NBN: variants seen among roughly 807,000 people sequenced by gnomAD.
The protein encoded by NBN is nibrin, also known as Nijmegen breakage syndrome 1 (nibrin).
A neutral mutation model predicts 90.8 loss-of-function variants in NBN; 88 were observed. That is an observed-to-expected ratio of 0.97 (90% CI 0.82 to 1.16). The LOEUF is 1.16. Among genes scored for constraint, NBN ranks in the 50% most tolerant of loss-of-function variants. NBN has a pLI of 0.00. For missense variants in NBN, 894 were observed against 869.6 expected (o/e 1.03, Z -0.35); for synonymous variants, 328 against 295.1 (o/e 1.11, Z -1.14).
At chr8:89,982,387 C>T in intron 2 of NBN, 1 of 357,744 alleles carries the variant, frequency 2.8e-6, no homozygotes. Context: ...CACATTACTG[C>T]TAATGGCAAA....
intron 13 of NBN, among the ~76,000 whole-genome samples, chr8:89,945,398 T>G (rs1293607360): frequency 6.6e-6 from 1 of 152,148 alleles, no homozygotes; most frequent in Admixed American, 6.5e-5. Context: ...AAAAAACTAA[T>G]TTAACTGTGA....
chr8:89,949,158 G>C (rs538327235), intron 11 of NBN, among the ~76,000 whole-genome samples: 2 of 152,156 alleles, frequency 1.3e-5, no homozygotes, highest in Admixed American at 6.5e-5. Context: ...GCTAACAAAA[G>C]GATCAGTCAG....
intron 5 of NBN, among the ~76,000 whole-genome samples, chr8:89,977,811 T>A (rs1247539095): frequency 1.3e-5 from 2 of 152,214 alleles, no homozygotes; most frequent in African/African-American, 4.8e-5. Context: ...TCAGAAAAAC[T>A]AAGCTCCATT....
Position 89,953,373 on chromosome 8 carries a change from T to C in NBN, c.1716A>G (p.Pro572=), listed in dbSNP as rs1586053267. The C allele has an allele frequency of 6.2e-7, 1 of 1,613,726 alleles. No individual in the cohort carries two copies. Among genetic ancestry groups the C allele is most frequent in the Non-Finnish European group, 8.5e-7 (1 of 1,179,788 alleles). ...VLEQLFKDTK[P]ELEIDVKVQK... is the part of the protein sequence containing the mutation. Reference sequence around the variant, plus strand: ...GAACTTTCACATCAATTTCTAACTCTGGTTTTGTGTCCTTGAATAACTGTT... The same window carrying C: ...GAACTTTCACATCAATTTCTAACTCCGGTTTTGTGTCCTTGAATAACTGTT... The change falls in exon 11 of 16, where the codon CCA becomes CCG. Residue 572 remains proline (P), a synonymous_variant. Coordinates refer to ENST00000265433, the MANE Select transcript of NBN (RefSeq NM_002485.5).
intron 5 of NBN, among the ~76,000 whole-genome samples, chr8:89,976,797 A>G (rs1811780866): frequency 6.6e-6 from 1 of 152,220 alleles, no homozygotes; most frequent in Non-Finnish European, 1.5e-5. Flanking sequence ...AGAATCTTCT[A>G]TTTTAAAATC....
At position 89,982,773 on chromosome 8, in the gene NBN, C is replaced by T. The variant is rs774989816; in HGVS notation, c.120G>A (p.Ser40=). Residue 40 remains serine (S), a synonymous_variant, in exon 2 of 16, where the codon TCG becomes TCA. Coordinates refer to ENST00000265433, the MANE Select transcript of NBN (RefSeq NM_002485.5). ...TTAACACAGCATGATTTCGGCTGAT[C>T]GACTGATCATTTTCAATCAGAATGG... ...NCAILIENDQ[S]ISRNHAVLTA... is the part of the protein sequence containing the mutation. 6.2e-7 allele frequency: 1 copy of T among 1,613,862 alleles called. No homozygotes were observed. The highest frequency in any genetic ancestry group is 1.1e-5 in the South Asian group (1 of 91,076).
Position 89,935,528 on chromosome 8 carries a change from T to C in NBN, c.*54A>G. 1 of 1,605,510 alleles carries C rather than the reference T, an allele frequency of 6.2e-7. No homozygotes were observed. Among genetic ancestry groups the C allele is most frequent in the African/African-American group, 1.3e-5 (1 of 74,864 alleles). Reference sequence around the variant, plus strand: ...ATATATTCATATAACCTTGTTGGCCTGAAGTAGATGCTTACTAGGAAGTTT... The same window carrying C: ...ATATATTCATATAACCTTGTTGGCCCGAAGTAGATGCTTACTAGGAAGTTT... On this transcript the variant is annotated 3_prime_UTR_variant, in exon 16 of 16. Transcript: ENST00000265433.
At chr8:89,965,355 AC>A in intron 7 of NBN, among the ~76,000 whole-genome samples, 1 of 152,196 alleles carries the variant, frequency 6.6e-6, no homozygotes, top group East Asian at 1.9e-4. Context: ...CTTATGGTGA[AC>A]CTATTTTTTG....
chr8:89,947,064 AAGTC>A (rs1723166013), intron 12 of NBN, among the ~76,000 whole-genome samples: 1 of 152,198 alleles, frequency 6.6e-6, no homozygotes, highest in African/African-American at 2.4e-5. Flanking sequence ...AAAAAGGGGA[AAGTC>A]AGAAAAAAAG....
intron 7 of NBN, among the ~76,000 whole-genome samples, chr8:89,965,136 T>C (rs1015497910): frequency 2.0e-5 from 3 of 150,516 alleles, no homozygotes; most frequent in Non-Finnish European, 4.4e-5. Context: ...TTAAAAAAAA[T>C]CACCACAGGC....
At chr8:89,943,127 A>G in intron 14 of NBN, 126 bp downstream of exon 14, 1 of 904,094 alleles carries the variant, frequency 1.1e-6, no homozygotes, top group Non-Finnish European at 1.8e-6. Flanking sequence ...TAACTCAGGA[A>G]TGCTCCTGAA....
chr8:89,971,360 A>G (rs935102041), intron 5 of NBN, 70 bp from the exon 6 acceptor site: 4 of 1,483,528 alleles, frequency 2.7e-6, no homozygotes, highest in East Asian at 5.1e-5. Context: ...AAACGGAGTG[A>G]CTATCTGACA....
At chr8:89,984,399 C>G in intron 1 of NBN, 126 bp downstream of exon 1, 1 of 897,844 alleles carries the variant, frequency 1.1e-6, no homozygotes, top group Non-Finnish European at 1.8e-6. Context: ...GTACTCGCCG[C>G]TTCTGCGACC....
intron 14 of NBN, among the ~76,000 whole-genome samples, chr8:89,942,760 A>C (rs950784066): frequency 6.6e-6 from 1 of 152,116 alleles, no homozygotes; most frequent in Non-Finnish European, 1.5e-5. Context: ...TACACAGGAA[A>C]GACAAATGGA....
chr8:89,975,707 A>C (rs1286871620), intron 5 of NBN, among the ~76,000 whole-genome samples: 9 of 152,220 alleles, frequency 5.9e-5, no homozygotes, highest in East Asian at 1.9e-4. Context: ...GGTCAAAAAC[A>C]ACCTTAGGTT....
At chr8:89,971,361 C>A in intron 5 of NBN, 71 bp from the exon 6 acceptor site, 1 of 1,494,820 alleles carries the variant, frequency 6.7e-7, no homozygotes, top group Non-Finnish European at 9.0e-7. Flanking sequence ...AACGGAGTGA[C>A]TATCTGACAC....
At chr8:89,977,332 G>C (rs1811811453) in intron 5 of NBN, among the ~76,000 whole-genome samples, 1 of 151,588 alleles carries the variant, frequency 6.6e-6, no homozygotes, top group Non-Finnish European at 1.5e-5. Context: ...TTGGTTTTCT[G>C]TTCCTGTGTT....
At chr8:89,967,591 A>C (rs986052591) in intron 7 of NBN, among the ~76,000 whole-genome samples, 10 of 152,230 alleles carry the variant, frequency 6.6e-5, no homozygotes, top group African/African-American at 2.2e-4. Context: ...GTCAGGAAAG[A>C]AGGAAAAGCA....
At chr8:89,943,157 T>C (rs1810025784) in intron 14 of NBN, 96 bp downstream of exon 14, 1 of 1,287,636 alleles carries the variant, frequency 7.8e-7, no homozygotes, top group East Asian at 2.3e-5. Flanking sequence ...TTATGTCACT[T>C]ATTTTAATTT....
Sources: gnomAD v4.1 joint callset for allele counts (sites outside exome capture counted in the v4.1 genomes callset) on GRCh38, gnomAD v4.1.1 for gene constraint, MANE v1.5 for transcripts, NCBI Gene and HGNC (gene_info 2026-07-23, HGNC 2026-07-21) for gene names.